Variants in NRXN1 observed in about 807,000 individuals in gnomAD.
The protein encoded by NRXN1 is neurexin 1.
Under a neutral mutation model 150.9 loss-of-function variants are expected in NRXN1, and 39 were observed. The ratio of observed to expected loss-of-function variants is 0.26; its 90% CI spans 0.20 to 0.34. NRXN1 has a LOEUF of 0.34. Among genes scored for constraint, NRXN1 ranks in the 10% least tolerant of loss-of-function variants. NRXN1 has a pLI of 1.00. For synonymous variants in NRXN1, 924 were observed against 757.0 expected (o/e 1.22, Z -3.62); for missense variants, 1,815 against 1,949.9 (o/e 0.93, Z 1.30).
At chr2:50,122,000 T>C (rs1039633621) in intron 18 of NRXN1, among the ~76,000 whole-genome samples, 14 of 152,206 alleles carry the variant, frequency 9.2e-5, no homozygotes, top group Non-Finnish European at 1.8e-4. Context: ...AAAAATATAT[T>C]TCAAGAGAAA....
intron 5 of NRXN1, among the ~76,000 whole-genome samples, chr2:50,813,035 A>G (rs760246768): frequency 2.0e-5 from 3 of 152,066 alleles, no homozygotes; most frequent in Non-Finnish European, 4.4e-5. Context: ...ACAATAACAT[A>G]TTTTAAAAAA....
intron 2 of NRXN1, among the ~76,000 whole-genome samples, chr2:50,995,602 C>CAAAA (rs34952996): frequency 4.2e-5 from 3 of 71,928 alleles, no homozygotes; most frequent in Non-Finnish European, 5.3e-5. Context: ...TAGACTCTGT[C>CAAAA]AAAAAAAAAA....
chr2:50,685,944 G>C (rs1017904494), intron 5 of NRXN1, among the ~76,000 whole-genome samples: 1 of 151,926 alleles, frequency 6.6e-6, no homozygotes, highest in Non-Finnish European at 1.5e-5. Context: ...CAAAAATATA[G>C]ATCTTGCTTC....
intron 5 of NRXN1, among the ~76,000 whole-genome samples, chr2:50,695,622 A>G (rs1692710809): frequency 6.6e-6 from 1 of 152,190 alleles, no homozygotes; most frequent in East Asian, 1.9e-4. Flanking sequence ...CGAGAAACAA[A>G]ATTTGAGAGA....
chr2:50,979,538 AAATT>A (rs1266417951), intron 2 of NRXN1, among the ~76,000 whole-genome samples: 1 of 152,130 alleles, frequency 6.6e-6, no homozygotes, highest in Non-Finnish European at 1.5e-5. Context: ...TTTCAATTAT[AAATT>A]ATTTCATAGA....
intron 5 of NRXN1, among the ~76,000 whole-genome samples, chr2:50,760,205 T>C (rs966484126): frequency 3.3e-5 from 5 of 151,916 alleles, no homozygotes; most frequent in African/African-American, 4.8e-5. Flanking sequence ...GGAAAACGGA[T>C]CTGTCCCTTC....
chr2:50,837,491 A>G (rs1314033560), intron 5 of NRXN1, among the ~76,000 whole-genome samples: 2 of 152,102 alleles, frequency 1.3e-5, no homozygotes, highest in Non-Finnish European at 2.9e-5. Context: ...TTCTTGCAAA[A>G]CTGGGAAAAT....
At chr2:50,631,251 C>T (rs536400584) in intron 5 of NRXN1, 1 of 381,918 alleles carries the variant, frequency 2.6e-6, no homozygotes, top group African/African-American at 2.3e-5. Context: ...ATAAAATATT[C>T]ACTCTTCAAG....
chr2:49,937,829 T>C (rs1671315595), intron 22 of NRXN1, among the ~76,000 whole-genome samples: 1 of 146,050 alleles, frequency 6.8e-6, no homozygotes, highest in Non-Finnish European at 1.5e-5. Context: ...CATTTAAATG[T>C]AGAACAAAAT....
At chr2:50,469,325 T>A (rs1425203495) in intron 16 of NRXN1, among the ~76,000 whole-genome samples, 1 of 151,668 alleles carries the variant, frequency 6.6e-6, no homozygotes, top group Non-Finnish European at 1.5e-5. Flanking sequence ...GAACCATTAC[T>A]CCCTGAAATA....
intron 8 of NRXN1, among the ~76,000 whole-genome samples, chr2:50,579,548 C>A (rs1214740483): frequency 6.6e-6 from 1 of 152,120 alleles, no homozygotes; most frequent in Non-Finnish European, 1.5e-5. Context: ...ATTTGGGAAC[C>A]TGAGGTGGGA....
chr2:50,448,914 C>G (rs1201551677), intron 17 of NRXN1, among the ~76,000 whole-genome samples: 1 of 152,022 alleles, frequency 6.6e-6, no homozygotes, highest in Non-Finnish European at 1.5e-5. Flanking sequence ...CTATGTTAAA[C>G]CAAAGAGACC....
chr2:49,997,176 G>A (rs967514474), intron 21 of NRXN1, among the ~76,000 whole-genome samples: 2 of 151,918 alleles, frequency 1.3e-5, no homozygotes, highest in Non-Finnish European at 2.9e-5. Flanking sequence ...AGTTGGAGAT[G>A]GAAATTCATG....
chr2:50,340,701 GC>G (rs1318336643), intron 17 of NRXN1, among the ~76,000 whole-genome samples: 1 of 151,984 alleles, frequency 6.6e-6, no homozygotes, highest in African/African-American at 2.4e-5. Flanking sequence ...TTAGAGGTCT[GC>G]TAGTCCAATT....
chr2:50,525,304 A>G (rs766722596), intron 12 of NRXN1, among the ~76,000 whole-genome samples: 7 of 152,168 alleles, frequency 4.6e-5, no homozygotes, highest in Non-Finnish European at 1.0e-4. Flanking sequence ...ATAGCCTACA[A>G]TTTGTGTTCC....
intron 17 of NRXN1, among the ~76,000 whole-genome samples, chr2:50,309,241 C>T (rs1371115479): frequency 2.0e-5 from 3 of 152,156 alleles, no homozygotes; most frequent in African/African-American, 7.2e-5. Flanking sequence ...ACAAGATATT[C>T]TTATGATTCC....
chr2:50,771,689 T>C (rs1703031140), intron 5 of NRXN1, among the ~76,000 whole-genome samples: 1 of 152,140 alleles, frequency 6.6e-6, no homozygotes, highest in Non-Finnish European at 1.5e-5. Context: ...TCTGAGGCAT[T>C]TTCCGTGAAG....
At chr2:50,650,782 G>A (rs1038779146) in intron 5 of NRXN1, among the ~76,000 whole-genome samples, 2 of 151,978 alleles carry the variant, frequency 1.3e-5, no homozygotes, top group Admixed American at 1.3e-4. Flanking sequence ...CCCTCCCTGT[G>A]TTCTTAACTG....
intron 18 of NRXN1, among the ~76,000 whole-genome samples, chr2:50,199,650 C>T (rs2062022381): frequency 6.6e-6 from 1 of 151,810 alleles, no homozygotes; most frequent in African/African-American, 2.4e-5. Flanking sequence ...ACTCTTAATG[C>T]TATTTTAATG....
Sources: allele counts gnomAD v4.1 joint callset (sites outside exome capture counted in the v4.1 genomes callset), GRCh38; gene constraint gnomAD v4.1.1; transcripts MANE v1.5; gene names NCBI Gene and HGNC (gene_info 2026-07-23, HGNC 2026-07-21).